Variants in ARHGEF38 observed in about 807,000 individuals in gnomAD.
The protein encoded by ARHGEF38 is Rho guanine nucleotide exchange factor 38, also known as Rho guanine nucleotide exchange factor (GEF) 38.
Under a neutral mutation model 79.9 loss-of-function variants are expected in ARHGEF38, and 79 were observed. The observed-to-expected ratio is 0.99, with a 90% CI of 0.82 to 1.19. The LOEUF is 1.19. Among genes scored for constraint, ARHGEF38 ranks in the 50% most tolerant of loss-of-function variants. The probability of loss-of-function intolerance (pLI) is 0.00; values close to 1 mark genes in which losing one functional copy is unlikely to be tolerated. For synonymous variants in ARHGEF38, 366 were observed against 328.3 expected, an observed-to-expected ratio of 1.11 and a Z score of -1.24; for missense variants, 962 against 907.2, an observed-to-expected ratio of 1.06 and a Z score of -0.78.
intron 9 of ARHGEF38, among the ~76,000 whole-genome samples, chr4:105,656,604 GTAT>G (rs1215307643): frequency 2.0e-5 from 3 of 152,044 alleles, no homozygotes; most frequent in Admixed American, 1.3e-4. Context: ...GTTTCTATAG[GTAT>G]TATTATTTCA....
At chr4:105,605,756 G>T (rs1728011191) in intron 2 of ARHGEF38, among the ~76,000 whole-genome samples, 1 of 152,048 alleles carries the variant, frequency 6.6e-6, no homozygotes, top group South Asian at 2.1e-4. Flanking sequence ...CCATAGTAAT[G>T]AGTTAATTAT....
chr4:105,636,257 A>G (rs1428403561), intron 4 of ARHGEF38, 146 bp from the exon 5 acceptor site: 1 of 169,466 alleles, frequency 5.9e-6, no homozygotes, highest in Non-Finnish European at 1.2e-5. Flanking sequence ...ACATGATTAT[A>G]AAATAATGAG....
At chr4:105,659,470 T>G (rs2110564426) in intron 10 of ARHGEF38, 105 bp downstream of exon 10, 1 of 1,098,262 alleles carries the variant, frequency 9.1e-7, no homozygotes, top group Non-Finnish European at 1.3e-6. Flanking sequence ...GTATGCCGTG[T>G]GGTGTGTGTG....
intron 4 of ARHGEF38, among the ~76,000 whole-genome samples, chr4:105,635,869 T>C (rs1313764314): frequency 6.6e-6 from 1 of 152,100 alleles, no homozygotes; most frequent in African/African-American, 2.4e-5. Context: ...AACCTAGTTA[T>C]GTTAGGATGT....
chr4:105,645,186 A>G lies in ARHGEF38; in HGVS notation c.675-2A>G. 1 of 1,500,558 alleles carries G rather than the reference A, an allele frequency of 6.7e-7. No homozygotes were observed. The highest frequency in any genetic ancestry group is 8.9e-7 in the Non-Finnish European group (1 of 1,129,856). The allele number at this position is 1,500,558 out of a possible 1,614,324, so 93.0% of individuals were successfully genotyped here. On this transcript the variant is annotated splice_acceptor_variant, in intron 5 of 13. Coordinates refer to ENST00000420470, the MANE Select transcript of ARHGEF38 (RefSeq NM_001242729.2). LOFTEE classifies it high-confidence loss of function. Reference sequence around the variant, plus strand: ...AACTGATATTATTTATCTGTATTGTAGAGGCAAACCAAACTTATTGGACAT... The same window carrying G: ...AACTGATATTATTTATCTGTATTGTGGAGGCAAACCAAACTTATTGGACAT...
At chr4:105,598,413 A>G (rs1727676718) in intron 2 of ARHGEF38, among the ~76,000 whole-genome samples, 1 of 152,208 alleles carries the variant, frequency 6.6e-6, no homozygotes. Context: ...AAAATCTGAG[A>G]AAACCAGAGC....
chr4:105,571,089 C>A (rs1350992314), intron 1 of ARHGEF38, among the ~76,000 whole-genome samples: 1 of 152,022 alleles, frequency 6.6e-6, no homozygotes, highest in Non-Finnish European at 1.5e-5. Flanking sequence ...ATTCTGGAGA[C>A]GTTTGGTGGT....
chr4:105,672,488 A>G (rs1473837973), intron 13 of ARHGEF38, among the ~76,000 whole-genome samples: 3 of 152,176 alleles, frequency 2.0e-5, no homozygotes, highest in African/African-American at 4.8e-5. Context: ...GTTTTTTGCT[A>G]TATCGAAGAA....
intron 1 of ARHGEF38, among the ~76,000 whole-genome samples, chr4:105,585,198 C>T (rs981515253): frequency 2.0e-5 from 3 of 152,098 alleles, no homozygotes. Flanking sequence ...AAATAGTTAA[C>T]ATTTGTATTG....
At chr4:105,585,185 C>A (rs549632736) in intron 1 of ARHGEF38, among the ~76,000 whole-genome samples, 43 of 152,250 alleles carry the variant, frequency 2.8e-4, no homozygotes, top group African/African-American at 1.0e-3. Flanking sequence ...CCCATTCCCA[C>A]AGAAATAGTT....
intron 3 of ARHGEF38, among the ~76,000 whole-genome samples, chr4:105,620,672 A>T (rs568754205): frequency 6.6e-6 from 1 of 152,296 alleles, no homozygotes; most frequent in East Asian, 1.9e-4. Flanking sequence ...TTAATGATTC[A>T]TGGATCTAAT....
At chr4:105,673,954 G>T (rs920984843) in intron 13 of ARHGEF38, among the ~76,000 whole-genome samples, 1 of 152,118 alleles carries the variant, frequency 6.6e-6, no homozygotes, top group African/African-American at 2.4e-5. Flanking sequence ...TACATATAAT[G>T]TACCATAAAT....
chr4:105,585,653 T>TTA (rs1486737859), intron 1 of ARHGEF38, among the ~76,000 whole-genome samples: 3 of 151,914 alleles, frequency 2.0e-5, no homozygotes, highest in Non-Finnish European at 4.4e-5. Flanking sequence ...TTGTATTTTA[T>TTA]TATATGCAAA....
At chr4:105,654,229 T>A in intron 8 of ARHGEF38, 60 bp downstream of exon 8, 4 of 995,566 alleles carry the variant, frequency 4.0e-6, no homozygotes, top group East Asian at 2.7e-5. Context: ...AACCATTGAT[T>A]TCCATGGTTG....
intron 1 of ARHGEF38, among the ~76,000 whole-genome samples, chr4:105,574,358 C>A (rs1227891983): frequency 1.3e-5 from 2 of 151,848 alleles, no homozygotes. Flanking sequence ...CCAGCCTGAC[C>A]AACATAGTGA....
chr4:105,593,458 A>G (rs1395105600), intron 2 of ARHGEF38, among the ~76,000 whole-genome samples: 1 of 152,122 alleles, frequency 6.6e-6, no homozygotes, highest in Non-Finnish European at 1.5e-5. Flanking sequence ...GGATCACTTG[A>G]GCCCAGGAGG....
chr4:105,645,223 T>C lies in ARHGEF38; in HGVS notation c.710T>C (p.Met237Thr), dbSNP rs572288838. ...KPNLLDMGSLMIKPIQRVMKY... is the reference protein window; with the variant it reads ...KPNLLDMGSLTIKPIQRVMKY... Reference sequence around the variant, plus strand: ...AACTTATTGGACATGGGCTCTTTGATGATCAAACCAATTCAACGTGTGATG... The same window carrying C: ...AACTTATTGGACATGGGCTCTTTGACGATCAAACCAATTCAACGTGTGATG... Residue 237 changes from methionine (M) to threonine (T), a missense_variant, in exon 6 of 14, where the codon ATG (methionine) becomes ACG (threonine). Transcript: ENST00000420470. 7.2e-5 allele frequency: 111 copies of C among 1,532,254 alleles called. No individual in the cohort carries two copies. In the South Asian group the frequency reaches 1.1e-3, roughly 15 times the overall value. The allele number at this position is 1,532,254 out of a possible 1,614,324, so 94.9% of individuals were successfully genotyped here. A position where few individuals can be genotyped will look rare whatever the true frequency, so the allele number is the denominator to read the frequency against.
At chr4:105,558,948 G>T (rs1369700737) in intron 1 of ARHGEF38, among the ~76,000 whole-genome samples, 2 of 150,532 alleles carry the variant, frequency 1.3e-5, no homozygotes, top group African/African-American at 4.9e-5. Context: ...CAGCAAGAAT[G>T]AATAGAAATA....
In ARHGEF38 at chr4:105,679,227, T is replaced by C. The variant is rs746944875; in HGVS notation, c.*1290T>C. ...CACTCCTCTGTCTGGAATTAAAAGA[T>C]GTTTCCATCATAATATTCTTTAATT... On this transcript the variant is annotated 3_prime_UTR_variant, in exon 14 of 14. Coordinates refer to ENST00000420470, the MANE Select transcript of ARHGEF38 (RefSeq NM_001242729.2). 1.1e-5 allele frequency: 7 copies of C among 665,002 alleles called. No homozygotes were observed. The highest frequency in any genetic ancestry group is 1.9e-5 in the Non-Finnish European group (7 of 369,920). The allele number at this position is 665,002 out of a possible 1,614,324, so 41.2% of individuals were successfully genotyped here.
Sources: allele counts gnomAD v4.1 joint callset (sites outside exome capture counted in the v4.1 genomes callset), GRCh38; gene constraint gnomAD v4.1.1; transcripts MANE v1.5; gene names NCBI Gene and HGNC (gene_info 2026-07-23, HGNC 2026-07-21).